The following PLCH1 variants were observed in gnomAD, a reference collection of about 807,000 sequenced individuals.
PLCH1 encodes the protein 1-phosphatidylinositol 4,5-bisphosphate phosphodiesterase eta-1.
Under a neutral mutation model 126.7 loss-of-function variants are expected in PLCH1, and 60 were observed. The observed-to-expected ratio is 0.47, with a 90% CI of 0.38 to 0.59. PLCH1 has a LOEUF of 0.59. Among genes scored for constraint, PLCH1 ranks in the 20% least tolerant of loss-of-function variants. The pLI, the probability that PLCH1 is intolerant of heterozygous loss-of-function variation, is 0.00. For synonymous variants in PLCH1, 719 were observed against 734.9 expected (o/e 0.98, Z 0.35); for missense variants, 1,723 against 2,040.0 (o/e 0.84, Z 2.99).
At chr3:155,622,789 C>CT (rs1319071958) in intron 2 of PLCH1, among the ~76,000 whole-genome samples, 1 of 152,116 alleles carries the variant, frequency 6.6e-6, no homozygotes, top group Admixed American at 6.5e-5. Context: ...TACAAAGAGA[C>CT]TTACACTCCC....
intron 2 of PLCH1, chr3:155,658,706 T>C (rs1267246916): frequency 6.6e-6 from 1 of 152,242 alleles, no homozygotes; most frequent in East Asian, 1.9e-4. Context: ...TTTATTTCTC[T>C]AGTCAATCTC....
At position 155,671,746 on chromosome 3, in the gene PLCH1, G is replaced by A. The variant is rs117071388; in HGVS notation, c.79+32400C>T. Among the ~76,000 whole-genome samples the A allele has an allele frequency of 8.5e-5, 13 of 152,124 alleles. No homozygotes were observed. In the East Asian group the frequency reaches 2.3e-3, roughly 27 times the overall value. On this transcript the variant is annotated intron_variant, in intron 2 of 22. Coordinates refer to ENST00000460012, the MANE Select transcript of PLCH1 (RefSeq NM_014996.4). ...AAAGAGGACATGGGGCAATATAAGT[G>A]AGCTATTTCTCATCTATCATAGAAG... is the stretch of plus-strand genomic sequence containing the variant.
intron 5 of PLCH1, among the ~76,000 whole-genome samples, chr3:155,585,551 C>T (rs895324776): frequency 2.0e-5 from 3 of 152,136 alleles, no homozygotes; most frequent in Admixed American, 1.3e-4. Flanking sequence ...AATGACTCAT[C>T]AACAGGGAAA....
At chr3:155,536,863 C>T (rs1270408854) in intron 10 of PLCH1, among the ~76,000 whole-genome samples, 19 of 152,100 alleles carry the variant, frequency 1.2e-4, no homozygotes, top group Non-Finnish European at 1.5e-5. Context: ...ATCACCTAGA[C>T]ACATAGTCAT....
At chr3:155,612,104 G>A (rs1246199344) in intron 2 of PLCH1, among the ~76,000 whole-genome samples, 4 of 151,952 alleles carry the variant, frequency 2.6e-5, no homozygotes, top group African/African-American at 9.7e-5. Context: ...ATCACCTGAG[G>A]TCAAGAGTTC....
chr3:155,504,663 C>G, intron 12 of PLCH1, 37 bp from the exon 13 acceptor site: 6 of 1,400,764 alleles, frequency 4.3e-6, no homozygotes, highest in Non-Finnish European at 6.1e-6. Context: ...TATTTATCTT[C>G]TTTGCTTTTG....
At chr3:155,693,471 C>CAAA (rs1227159940) in intron 2 of PLCH1, among the ~76,000 whole-genome samples, 12 of 10,316 alleles carry the variant, frequency 1.2e-3, no homozygotes, top group South Asian at 7.8e-3. Flanking sequence ...GACTCCGTCT[C>CAAA]AAAAAAAAAA....
chr3:155,680,995 CT>C (rs1744480188), intron 2 of PLCH1, among the ~76,000 whole-genome samples: 1 of 151,990 alleles, frequency 6.6e-6, no homozygotes, highest in African/African-American at 2.4e-5. Context: ...TACAAACTAA[CT>C]ACTAATGTTA....
intron 18 of PLCH1, among the ~76,000 whole-genome samples, chr3:155,492,222 A>G (rs553514404): frequency 6.6e-6 from 1 of 152,174 alleles, no homozygotes; most frequent in Non-Finnish European, 1.5e-5. Context: ...AATGGAAACA[A>G]TGGGCTAAGA....
intron 21 of PLCH1, among the ~76,000 whole-genome samples, chr3:155,474,842 C>A (rs1231451391): frequency 8.2e-6 from 1 of 121,352 alleles, no homozygotes; most frequent in Non-Finnish European, 1.6e-5. Flanking sequence ...AAACCAAACA[C>A]CGCATATTCT....
chr3:155,524,494 A>G (rs1721641733), intron 10 of PLCH1, among the ~76,000 whole-genome samples: 1 of 152,246 alleles, frequency 6.6e-6, no homozygotes, highest in Non-Finnish European at 1.5e-5. Flanking sequence ...GTATTTTACT[A>G]CAATTAAAAA....
intron 21 of PLCH1, among the ~76,000 whole-genome samples, chr3:155,451,998 CCT>C (rs1371306239): frequency 2.6e-5 from 4 of 152,054 alleles, no homozygotes; most frequent in African/African-American, 9.7e-5. Flanking sequence ...TCTCTCAATC[CCT>C]CTCTCTCTGT....
In PLCH1 at chr3:155,482,969, GGAT is replaced by G; in HGVS notation, c.3054_3056del (p.Ser1022del). 6.2e-7 allele frequency: 1 copy of G among 1,613,806 alleles called. No homozygotes were observed. Among genetic ancestry groups the G allele is most frequent in the East Asian group, 2.2e-5 (1 of 44,868 alleles). ...CTTTGTGGAGCAGAGCACTGGAGGA[GGAT>G]GATAACTTTTTGTTGAAATTTAGAA... On this transcript the variant is annotated inframe_deletion, in exon 23 of 23. Transcript: ENST00000460012.
rs575607051 is a variant in PLCH1 at position 155,525,766 on chromosome 3, T to C, written c.1363-1762A>G. 2.6e-5 allele frequency among the ~76,000 whole-genome samples: 4 copies of C among 152,260 alleles called. No homozygotes were observed. In the South Asian group the frequency reaches 8.3e-4, roughly 32 times the overall value. ...AGGGGCTTTTTGACAGGGAACATTC[T>C]TATAAGATATTAAGACAGTTAAGTT... On this transcript the variant is annotated intron_variant, in intron 10 of 22. Transcript: ENST00000460012.
At chr3:155,606,440 A>G (rs1321286367) in intron 2 of PLCH1, among the ~76,000 whole-genome samples, 1 of 152,244 alleles carries the variant, frequency 6.6e-6, no homozygotes, top group African/African-American at 2.4e-5. Flanking sequence ...GGGAGCATCA[A>G]AAATAACTCC....
At chr3:155,605,775 A>AT (rs1352343060) in intron 2 of PLCH1, among the ~76,000 whole-genome samples, 6 of 151,904 alleles carry the variant, frequency 3.9e-5, no homozygotes, top group African/African-American at 7.3e-5. Context: ...CCATTTATTG[A>AT]TTTTTTTTCT....
intron 2 of PLCH1, among the ~76,000 whole-genome samples, chr3:155,669,084 C>T (rs559514551): frequency 4.0e-5 from 6 of 151,796 alleles, no homozygotes; most frequent in African/African-American, 1.4e-4. Context: ...AATCCACATG[C>T]CAAAATATCA....
chr3:155,486,258 G>C (rs1715071501), intron 21 of PLCH1: 1 of 1,153,410 alleles, frequency 8.7e-7, no homozygotes. Context: ...GCTCATTGAA[G>C]AGGGTGTCAC....
intron 1 of PLCH1, among the ~76,000 whole-genome samples, chr3:155,714,725 G>A (rs1747383382): frequency 6.6e-6 from 1 of 152,154 alleles, no homozygotes; most frequent in African/African-American, 2.4e-5. Flanking sequence ...GGCTGGTTTA[G>A]AGTATATAAT....
Sources: gnomAD v4.1 joint callset for allele counts (sites outside exome capture counted in the v4.1 genomes callset) on GRCh38, gnomAD v4.1.1 for gene constraint, MANE v1.5 for transcripts, NCBI Gene and HGNC (gene_info 2026-07-23, HGNC 2026-07-21) for gene names.